CCDC171: variants seen among roughly 807,000 people sequenced by gnomAD.
CCDC171 encodes coiled-coil domain-containing protein 171.
A neutral mutation model predicts 168.2 loss-of-function variants in CCDC171; 177 were observed. The observed-to-expected ratio is 1.05, with a 90% CI of 0.93 to 1.19. CCDC171 has a LOEUF of 1.19. Among genes scored for constraint, CCDC171 ranks in the 50% most tolerant of loss-of-function variants. The probability of loss-of-function intolerance (pLI) is 0.00; values close to 1 mark genes in which losing one functional copy is unlikely to be tolerated. For synonymous variants in CCDC171, 687 were observed against 540.8 expected, an observed-to-expected ratio of 1.27 and a Z score of -3.75; for missense variants, 1,991 against 1,539.0, an observed-to-expected ratio of 1.29 and a Z score of -4.91.
intron 3 of CCDC171, among the ~76,000 whole-genome samples, chr9:15,999,698 T>C (rs1376189225): frequency 6.6e-6 from 1 of 152,222 alleles, no homozygotes; most frequent in Non-Finnish European, 1.5e-5. Context: ...GGACACTTCA[T>C]GCAGCCATGC....
intron 21 of CCDC171, among the ~76,000 whole-genome samples, chr9:15,841,809 G>A (rs1954220): frequency 0.86 from 130,220 of 151,752 alleles, 55,930 homozygotes; most frequent in East Asian, 0.98. Context: ...TTGCTTACCC[G>A]GCCCTATTGT....
At chr9:16,080,061 T>G in the CCDC171 span, among the ~76,000 whole-genome samples, 18,829 of 152,218 alleles carry the variant, frequency 0.12, 1,233 homozygotes, top group Middle Eastern at 0.15. Context: ...TGAAATCTGC[T>G]GCCTTGGAAT....
chr9:15,995,141 A>T (rs60530829), intron 3 of CCDC171, among the ~76,000 whole-genome samples: 12,745 of 152,178 alleles, frequency 0.084, 1,765 homozygotes, highest in African/African-American at 0.29. Context: ...TTCAAGAAAA[A>T]GTTTTTATAT....
At chr9:15,768,186 G>T (rs2056834721) in intron 18 of CCDC171, among the ~76,000 whole-genome samples, 1 of 119,412 alleles carries the variant, frequency 8.4e-6, no homozygotes. Flanking sequence ...CTTCCTATGA[G>T]TTTCCTAAAA....
the CCDC171 span, among the ~76,000 whole-genome samples, chr9:16,098,318 A>C: frequency 1.2e-4 from 19 of 152,328 alleles, no homozygotes; most frequent in Admixed American, 9.8e-4. Flanking sequence ...GGGTCAAAAC[A>C]AATGGTCTCT....
chr9:15,639,389 A>G (rs1470614346), intron 7 of CCDC171, among the ~76,000 whole-genome samples: 1 of 152,050 alleles, frequency 6.6e-6, no homozygotes, highest in Admixed American at 6.5e-5. Flanking sequence ...TTTGCCAGAA[A>G]AGGTAGAGAT....
At chr9:15,994,688 A>G (rs1832314307) in intron 3 of CCDC171, among the ~76,000 whole-genome samples, 1 of 152,186 alleles carries the variant, frequency 6.6e-6, no homozygotes, top group South Asian at 2.1e-4. Context: ...ACATTTCACC[A>G]TGTTGTCTAT....
intron 25 of CCDC171, among the ~76,000 whole-genome samples, chr9:15,939,022 A>T (rs1366486948): frequency 6.6e-6 from 1 of 151,386 alleles, no homozygotes; most frequent in Admixed American, 6.6e-5. Flanking sequence ...AATAACATTA[A>T]TATTATAGAT....
At chr9:16,005,583 TTAAAA>T (rs1832672517) in intron 3 of CCDC171, among the ~76,000 whole-genome samples, 1 of 152,184 alleles carries the variant, frequency 6.6e-6, no homozygotes, top group Admixed American at 6.5e-5. Context: ...ATTCAAAAAG[TTAAAA>T]TAAACAATAT....
chr9:15,789,451 C>A (rs2135559274), intron 21 of CCDC171, among the ~76,000 whole-genome samples: 1 of 152,218 alleles, frequency 6.6e-6, no homozygotes, highest in East Asian at 1.9e-4. Flanking sequence ...GCTTAATAAC[C>A]TGAAAGTGAT....
In CCDC171 at chr9:15,605,232, G is replaced by A. The variant is rs187164166; in HGVS notation, c.675+11060G>A. ...TTTATGTAACACATTAACATATGTT[G>A]ACATGTATGACAGGTAAACACCTTA... On this transcript the variant is annotated intron_variant, in intron 6 of 25. Transcript: ENST00000380701. 2.4e-3 allele frequency among the ~76,000 whole-genome samples: 366 copies of A among 152,082 alleles called. 2 individuals carry two copies. The highest frequency in any genetic ancestry group is 8.5e-3 in the African/African-American group (354 of 41,480).
intron 23 of CCDC171, among the ~76,000 whole-genome samples, chr9:15,852,623 G>T (rs1329625454): frequency 6.6e-6 from 1 of 151,638 alleles, no homozygotes; most frequent in African/African-American, 2.4e-5. Context: ...CTGCTTATGT[G>T]TTTGGCCTCA....
chr9:15,691,224 A>C (rs1214007269), intron 10 of CCDC171, among the ~76,000 whole-genome samples: 1 of 152,060 alleles, frequency 6.6e-6, no homozygotes, highest in Non-Finnish European at 1.5e-5. Context: ...GGGACTGGTT[A>C]AGTTAATTTA....
intron 6 of CCDC171, among the ~76,000 whole-genome samples, chr9:15,621,206 A>G (rs2044475817): frequency 6.6e-6 from 1 of 152,192 alleles, no homozygotes; most frequent in African/African-American, 2.4e-5. Flanking sequence ...GGCTCAAGTG[A>G]TCCATCTGCC....
intron 25 of CCDC171, among the ~76,000 whole-genome samples, chr9:15,952,995 T>C (rs1829383076): frequency 6.6e-6 from 1 of 152,174 alleles, no homozygotes; most frequent in Non-Finnish European, 1.5e-5. Flanking sequence ...ATTGTTAGGG[T>C]ATGGAAATGT....
intron 21 of CCDC171, among the ~76,000 whole-genome samples, chr9:15,820,616 C>A (rs1174802629): frequency 8.5e-6 from 1 of 117,496 alleles, no homozygotes; most frequent in Admixed American, 8.0e-5. Flanking sequence ...TCGACACATA[C>A]ACCCTCCTAA....
chr9:15,924,639 C>T (rs1304110474), intron 25 of CCDC171, among the ~76,000 whole-genome samples: 2 of 151,508 alleles, frequency 1.3e-5, no homozygotes, highest in African/African-American at 2.4e-5. Flanking sequence ...AGTGACTGAG[C>T]TCTCTGCTCC....
intron 25 of CCDC171, among the ~76,000 whole-genome samples, chr9:15,945,359 T>C (rs1828226849): frequency 1.4e-5 from 2 of 147,792 alleles, no homozygotes; most frequent in South Asian, 4.5e-4. Context: ...TGTGTCTTTA[T>C]AGCAGCATGA....
intron 18 of CCDC171, among the ~76,000 whole-genome samples, chr9:15,773,732 A>G (rs563448301): frequency 4.6e-5 from 7 of 151,958 alleles, no homozygotes; most frequent in Admixed American, 3.3e-4. Flanking sequence ...TTTATTTAAT[A>G]TAGAATGAAT....
Sources: gnomAD v4.1 joint callset for allele counts (sites outside exome capture counted in the v4.1 genomes callset) on GRCh38, gnomAD v4.1.1 for gene constraint, MANE v1.5 for transcripts, NCBI Gene and HGNC (gene_info 2026-07-23, HGNC 2026-07-21) for gene names.